Variants in HSP90AB1 observed in about 807,000 individuals in gnomAD.
HSP90AB1 encodes the protein heat shock protein HSP 90-beta.
A neutral mutation model predicts 67.8 loss-of-function variants in HSP90AB1; 17 were observed. That is an observed-to-expected ratio of 0.25 (90% CI 0.17 to 0.38). The LOEUF (loss-of-function observed/expected upper bound fraction) is 0.38. HSP90AB1 is among the 10% of genes least tolerant of loss of function. The pLI is 1.00. For synonymous variants in HSP90AB1, 390 were observed against 312.9 expected (o/e 1.25, Z -2.60); for missense variants, 690 against 899.9 (o/e 0.77, Z 2.98).
intron 10 of HSP90AB1, among the ~76,000 whole-genome samples, chr6:44,252,657 C>T (rs6458376): frequency 0.14 from 21,988 of 152,094 alleles, 1,676 homozygotes; most frequent in Middle Eastern, 0.2. Context: ...CACCACACCC[C>T]GGCTAATTTT....
chr6:44,248,662 G>A lies in HSP90AB1; in HGVS notation c.33G>A (p.Glu11=). 2 of 1,613,932 alleles carry A rather than the reference G, an allele frequency of 1.2e-6. No homozygotes were observed. The highest frequency in any genetic ancestry group is 1.7e-6 in the Non-Finnish European group (2 of 1,179,888). The part of the protein sequence containing the change: MPEEVHHGEE[E]VETFAFQAEI... ...AGGAAGTGCACCATGGAGAGGAGGAGGTGGAGACTTTTGCCTTTCAGGCAG... is the reference window on the plus strand; with the variant it reads ...AGGAAGTGCACCATGGAGAGGAGGAAGTGGAGACTTTTGCCTTTCAGGCAG... The change falls in exon 2 of 12, where the codon GAG becomes GAA. Residue 11 remains glutamate (E), a synonymous_variant. Coordinates refer to ENST00000371646, the MANE Select transcript of HSP90AB1 (RefSeq NM_007355.4).
chr6:44,252,614 G>T (rs2153322335), intron 10 of HSP90AB1, among the ~76,000 whole-genome samples: 1 of 152,102 alleles, frequency 6.6e-6, no homozygotes, highest in East Asian at 1.9e-4. Flanking sequence ...TCCTGCCTTA[G>T]CCTCCTGAGT....
Position 44,250,777 on chromosome 6 carries a change from CCTCA to C in HSP90AB1, c.957+181_957+184del, listed in dbSNP as rs1342343772. 3.3e-5 allele frequency among the ~76,000 whole-genome samples: 5 copies of C among 152,196 alleles called. No individual in the cohort carries two copies. In the East Asian group the frequency reaches 7.7e-4, roughly 23 times the overall value. On this transcript the variant is annotated intron_variant, in intron 6 of 11. Transcript: ENST00000371646. ...AGTGAAGTGCCATCATTTCTAATGA[CCTCA>C]CTTTCTCTTCTTATGGAAATCTGGG...
rs1179319711 is a variant in HSP90AB1, at chr6:44,253,185, G to A, written c.1872G>A (p.Lys624=). Residue 624 remains lysine, a synonymous_variant, in exon 11 of 12, where the codon AAG becomes AAA. Coordinates refer to ENST00000371646, the MANE Select transcript of HSP90AB1 (RefSeq NM_007355.4). ...CCATGGGCTATATGATGGCCAAAAA[G>A]CACCTGGAGATCAACCCTGACCACC... ...NSTMGYMMAK[K]HLEINPDHPI... The A allele has an allele frequency of 6.2e-7, 1 of 1,614,202 alleles. No individual in the cohort carries two copies. Among genetic ancestry groups the A allele is most frequent in the South Asian group, 1.1e-5 (1 of 91,084 alleles).
intron 9 of HSP90AB1, 57 bp from the exon 10 acceptor site, chr6:44,251,942 C>A: frequency 6.2e-7 from 1 of 1,613,196 alleles, no homozygotes; most frequent in Non-Finnish European, 8.5e-7. Flanking sequence ...TTAGGGCTTC[C>A]TGGGAACTGG....
At chr6:44,253,464 C>G in intron 11 of HSP90AB1, 25 bp from the exon 12 acceptor site, 1 of 1,609,040 alleles carries the variant, frequency 6.2e-7, no homozygotes, top group Non-Finnish European at 8.5e-7. Flanking sequence ...TTGGTCAAGT[C>G]TCACATGGCT....
At chr6:44,252,486 C>T (rs1216137952) in intron 10 of HSP90AB1, among the ~76,000 whole-genome samples, 4 of 151,682 alleles carry the variant, frequency 2.6e-5, no homozygotes, top group East Asian at 1.9e-4. Flanking sequence ...GATAAAATAC[C>T]ATCATTTTCT....
At position 44,251,494 on chromosome 6, in the gene HSP90AB1, C is replaced by T; in HGVS notation, c.1200C>T (p.Ile400=). Residue 400 remains isoleucine, a synonymous_variant, in exon 8 of 12, where the codon ATC becomes ATT. Coordinates refer to ENST00000371646, the MANE Select transcript of HSP90AB1 (RefSeq NM_007355.4). ...GAGAAATGCTCCAGCAGAGCAAAAT[C>T]TTGAAAGTCATTCGCAAAAACATTG... The part of the protein sequence containing the change: ...ISREMLQQSK[I]LKVIRKNIVK... 1 of 1,612,016 alleles carries T rather than the reference C, an allele frequency of 6.2e-7. No homozygotes were observed. Among genetic ancestry groups the T allele is most frequent in the Non-Finnish European group, 8.5e-7 (1 of 1,178,388 alleles).
upstream of HSP90AB1, among the ~76,000 whole-genome samples, chr6:44,246,876 C>A (rs937365126): frequency 6.6e-6 from 1 of 152,216 alleles, no homozygotes; most frequent in East Asian, 1.9e-4. Context: ...GGAGTCATGT[C>A]CTAGACGTGA....
rs1250946779 is a variant in HSP90AB1, at chr6:44,251,903, A to G, written c.1462+19A>G. 1 of 1,613,528 alleles carries G rather than the reference A, an allele frequency of 6.2e-7. No homozygotes were observed. The highest frequency in any genetic ancestry group is 1.1e-5 in the South Asian group (1 of 91,054). The stretch of plus-strand genomic sequence containing the variant: ...ATCACTGGTGCGTTGACTCTGATTG[A>G]AGCCTTTTTGGAGGAGTGGGGAGCA... On this transcript the variant is annotated intron_variant, in intron 9 of 11. Coordinates refer to ENST00000371646, the MANE Select transcript of HSP90AB1 (RefSeq NM_007355.4).
chr6:44,251,372 G>C (rs770045683), intron 7 of HSP90AB1, 46 bp from the exon 8 acceptor site: 1 of 1,571,914 alleles, frequency 6.4e-7, no homozygotes. Flanking sequence ...GACCAGGTCT[G>C]GTCTAGCTGT....
intron 7 of HSP90AB1, 86 bp downstream of exon 7, chr6:44,251,299 T>TC (rs766090309): frequency 1.9e-6 from 3 of 1,547,740 alleles, no homozygotes; most frequent in Non-Finnish European, 2.7e-6. Context: ...GTAACAGTTT[T>TC]CTGCAATACA....
chr6:44,250,622 G>GA, intron 6 of HSP90AB1, 23 bp downstream of exon 6: 9 of 1,312,060 alleles, frequency 6.9e-6, no homozygotes, highest in African/African-American at 1.5e-5. Flanking sequence ...TTTGCATGTT[G>GA]GCTCAACATG....
At position 44,252,801 on chromosome 6, in the gene HSP90AB1, T is replaced by G. The variant is rs369213588; in HGVS notation, c.1732-244T>G. On this transcript the variant is annotated intron_variant, in intron 10 of 11. Transcript: ENST00000371646. ...CGCAAGCCACCATGCCTGGCCGATT[T>G]TTTTTTTTTTTGGACTGGATCTCGC... is the stretch of plus-strand genomic sequence containing the variant. Among the ~76,000 whole-genome samples, 186 of 150,798 alleles carry G rather than the reference T, an allele frequency of 1.2e-3. 3 individuals carry two copies. In the South Asian group the frequency reaches 0.027, roughly 22 times the overall value.
Position 44,250,231 on chromosome 6 carries a change from C to T in HSP90AB1, c.649-60C>T, listed in dbSNP as rs141783942. The T allele has an allele frequency of 4.6e-4, 739 of 1,610,182 alleles. 2 individuals carry two copies. The African/African-American group carries it at 8.8e-3, about 19-fold the overall frequency. ...TTCTGGAGAATCTCATTGTCCCTGGCTTTTGCTTTCCCTGGTAGTGTTTTG... is the reference window on the plus strand; with the variant it reads ...TTCTGGAGAATCTCATTGTCCCTGGTTTTTGCTTTCCCTGGTAGTGTTTTG... On this transcript the variant is annotated intron_variant, in intron 5 of 11. Transcript: ENST00000371646.
At chr6:44,252,944 G>A in intron 10 of HSP90AB1, 101 bp from the exon 11 acceptor site, 1 of 922,082 alleles carries the variant, frequency 1.1e-6, no homozygotes, top group Non-Finnish European at 1.7e-6. Flanking sequence ...AAACTCAAGT[G>A]GTCTGTCCAC....
At position 44,253,269 on chromosome 6, in the gene HSP90AB1, G is replaced by A. The variant is rs1408754851; in HGVS notation, c.1956G>A (p.Lys652=). 6.2e-7 allele frequency: 1 copy of A among 1,614,246 alleles called. No individual in the cohort carries two copies. Among genetic ancestry groups the A allele is most frequent in the Non-Finnish European group, 8.5e-7 (1 of 1,180,056 alleles). The part of the protein sequence containing the change: ...AEADKNDKAV[K]DLVVLLFETA... ...CCGACAAGAATGATAAGGCAGTTAA[G>A]GACCTGGTGGTGCTGCTGTTTGAAA... Residue 652 remains lysine, a synonymous_variant, in exon 11 of 12, where the codon AAG becomes AAA. Coordinates refer to ENST00000371646, the MANE Select transcript of HSP90AB1 (RefSeq NM_007355.4).
chr6:44,253,140 G>A lies in HSP90AB1; in HGVS notation c.1827G>A (p.Gln609=), dbSNP rs1780941486. 6.2e-7 allele frequency: 1 copy of A among 1,614,076 alleles called. No individual in the cohort carries two copies. Among genetic ancestry groups the A allele is most frequent in the African/African-American group, 1.3e-5 (1 of 74,928 alleles). The change falls in exon 11 of 12, where the codon CAG becomes CAA. Residue 609 remains glutamine, a synonymous_variant. Coordinates refer to ENST00000371646, the MANE Select transcript of HSP90AB1 (RefSeq NM_007355.4). ...ATATGGAGCGGATCATGAAAGCCCAGGCACTTCGGGACAACTCCACCATGG... is the reference window on the plus strand; with the variant it reads ...ATATGGAGCGGATCATGAAAGCCCAAGCACTTCGGGACAACTCCACCATGG... ...TANMERIMKA[Q]ALRDNSTMGY... is the part of the protein sequence containing the mutation.
In HSP90AB1 at chr6:44,252,030, T is replaced by G; in HGVS notation, c.1494T>G (p.Ala498=). The G allele has an allele frequency of 1.2e-6, 2 of 1,614,204 alleles. No homozygotes were observed. Among genetic ancestry groups the G allele is most frequent in the Non-Finnish European group, 1.7e-6 (2 of 1,180,038 alleles). The part of the protein sequence containing the change: ...GESKEQVANS[A]FVERVRKRGF... ...GCAAAGAGCAGGTGGCCAACTCAGC[T>G]TTTGTGGAGCGAGTGCGGAAACGGG... Residue 498 remains alanine (A), a synonymous_variant, in exon 10 of 12, where the codon GCT becomes GCG. Transcript: ENST00000371646.
Sources: allele counts gnomAD v4.1 joint callset (sites outside exome capture counted in the v4.1 genomes callset), GRCh38; gene constraint gnomAD v4.1.1; transcripts MANE v1.5; gene names NCBI Gene and HGNC (gene_info 2026-07-23, HGNC 2026-07-21).